Variants in MFHAS1 observed in about 807,000 individuals in gnomAD.
The protein encoded by MFHAS1 is malignant fibrous histiocytoma-amplified sequence 1.
MFHAS1 carries 50 observed loss-of-function variants against 70.4 expected under a neutral mutation model. That is an observed-to-expected ratio of 0.71 (90% CI 0.57 to 0.90). The LOEUF (loss-of-function observed/expected upper bound fraction) is 0.90. Among genes scored for constraint, MFHAS1 ranks in the 40% least tolerant of loss-of-function variants. MFHAS1 has a pLI of 0.00. For synonymous variants in MFHAS1, 952 were observed against 620.0 expected (o/e 1.54, Z -7.96); for missense variants, 1,795 against 1,347.6 (o/e 1.33, Z -5.20).
At chr8:8,847,002 G>A (rs547899729) in intron 1 of MFHAS1, among the ~76,000 whole-genome samples, 50 of 152,032 alleles carry the variant, frequency 3.3e-4, no homozygotes, top group African/African-American at 1.2e-3. Flanking sequence ...TTTGTTGAAT[G>A]GATGAATAAA....
At chr8:8,812,493 G>A (rs1585029058) in intron 1 of MFHAS1, among the ~76,000 whole-genome samples, 1 of 152,236 alleles carries the variant, frequency 6.6e-6, no homozygotes, top group East Asian at 1.9e-4. Flanking sequence ...CAGTAAGCTG[G>A]GGCAATGACA....
At chr8:8,808,899 C>G (rs544019866) in intron 1 of MFHAS1, among the ~76,000 whole-genome samples, 1 of 152,094 alleles carries the variant, frequency 6.6e-6, no homozygotes, top group East Asian at 1.9e-4. Flanking sequence ...TGGACTGGTA[C>G]GCGTCCATGG....
intron 1 of MFHAS1, among the ~76,000 whole-genome samples, chr8:8,797,934 A>G (rs1415147101): frequency 6.6e-6 from 1 of 152,232 alleles, no homozygotes; most frequent in Non-Finnish European, 1.5e-5. Context: ...ACAAAGCCCT[A>G]TATAAATGAT....
chr8:8,873,594 C>T (rs558365406), intron 1 of MFHAS1, among the ~76,000 whole-genome samples: 4 of 151,864 alleles, frequency 2.6e-5, no homozygotes, highest in African/African-American at 7.2e-5. Flanking sequence ...TTTTAAATTC[C>T]CACTTGGTAT....
intron 1 of MFHAS1, among the ~76,000 whole-genome samples, chr8:8,868,801 G>A (rs915898490): frequency 1.3e-5 from 2 of 152,064 alleles, no homozygotes; most frequent in Admixed American, 6.5e-5. Flanking sequence ...CATAGTCATC[G>A]CTACTTCATA....
At chr8:8,848,689 G>A (rs906384500) in intron 1 of MFHAS1, among the ~76,000 whole-genome samples, 1 of 152,142 alleles carries the variant, frequency 6.6e-6, no homozygotes, top group Non-Finnish European at 1.5e-5. Flanking sequence ...ACTCAATAGA[G>A]AATGGACAAA....
At chr8:8,807,751 C>G (rs948834485) in intron 1 of MFHAS1, among the ~76,000 whole-genome samples, 1 of 152,218 alleles carries the variant, frequency 6.6e-6, no homozygotes. Flanking sequence ...GTGGGACACA[C>G]TGTAAGTAGC....
intron 2 of MFHAS1, among the ~76,000 whole-genome samples, chr8:8,794,482 G>T (rs944308106): frequency 6.6e-6 from 1 of 152,192 alleles, no homozygotes; most frequent in Non-Finnish European, 1.5e-5. Flanking sequence ...TGTGTTCATG[G>T]ATGTAAACTG....
At position 8,890,524 on chromosome 8, in the gene MFHAS1, T is replaced by C; in HGVS notation, c.2535A>G (p.Thr845=). ...KPKGKPLNGS[T]AWYKFPCYVQ... ...CATAGCATGGGAACTTGTACCAAGC[T>C]GTGGACCCATTCAAAGGCTTGCCCT... The change falls in exon 1 of 3, where the codon ACA becomes ACG. Residue 845 remains threonine, a synonymous_variant. Coordinates refer to ENST00000276282, the MANE Select transcript of MFHAS1 (RefSeq NM_004225.3). The C allele has an allele frequency of 1.2e-6, 2 of 1,613,546 alleles. No homozygotes were observed. The highest frequency in any genetic ancestry group is 1.7e-6 in the Non-Finnish European group (2 of 1,180,048).
chr8:8,803,219 A>G (rs983673009), intron 1 of MFHAS1, among the ~76,000 whole-genome samples: 3 of 151,880 alleles, frequency 2.0e-5, no homozygotes, highest in Non-Finnish European at 4.4e-5. Context: ...TTGTTTTTAA[A>G]CTGCACCTGG....
chr8:8,829,726 C>T lies in MFHAS1; in HGVS notation c.2999-32235G>A, dbSNP rs944837864. ...GCGAGATCTTTGAGAAAGGAGATTG[C>T]GTGGGGTATCCTCAGTGCCTGACAC... On this transcript the variant is annotated intron_variant, in intron 1 of 2. Coordinates refer to ENST00000276282, the MANE Select transcript of MFHAS1 (RefSeq NM_004225.3). Among the ~76,000 whole-genome samples the T allele has an allele frequency of 1.1e-4, 17 of 152,144 alleles. 1 individual carries two copies. The highest frequency in any genetic ancestry group is 6.5e-4 in the Admixed American group (10 of 15,280).
chr8:8,815,870 C>G (rs773291105), intron 1 of MFHAS1, among the ~76,000 whole-genome samples: 2 of 152,032 alleles, frequency 1.3e-5, no homozygotes, highest in Non-Finnish European at 1.5e-5. Context: ...CTGAAGTAGT[C>G]AAAAAGTAGA....
intron 1 of MFHAS1, among the ~76,000 whole-genome samples, chr8:8,880,615 A>T (rs1809480498): frequency 6.6e-6 from 1 of 151,942 alleles, no homozygotes; most frequent in South Asian, 2.1e-4. Flanking sequence ...GCAAAAGTGA[A>T]AGAAACCATT....
chr8:8,815,566 G>C (rs1310926345), intron 1 of MFHAS1, among the ~76,000 whole-genome samples: 1 of 152,134 alleles, frequency 6.6e-6, no homozygotes, highest in Non-Finnish European at 1.5e-5. Flanking sequence ...ATTCTGACTG[G>C]TGTGAGATGG....
At chr8:8,866,887 T>C (rs12549501) in intron 1 of MFHAS1, among the ~76,000 whole-genome samples, 3,592 of 152,372 alleles carry the variant, frequency 0.024, 85 homozygotes, top group Admixed American at 0.056. Context: ...GAAAGAACCG[T>C]GTACTTGCAT....
intron 1 of MFHAS1, among the ~76,000 whole-genome samples, chr8:8,856,379 C>T (rs901053744): frequency 6.6e-6 from 1 of 152,104 alleles, no homozygotes; most frequent in Non-Finnish European, 1.5e-5. Flanking sequence ...GATACTTCCC[C>T]GTATTTCAAG....
chr8:8,854,362 A>C (rs1002934115), intron 1 of MFHAS1, among the ~76,000 whole-genome samples: 3 of 152,228 alleles, frequency 2.0e-5, no homozygotes, highest in Admixed American at 6.5e-5. Flanking sequence ...TCTACTAAAA[A>C]TACAAAAAAT....
In MFHAS1 at chr8:8,850,807, G is replaced by A. The variant is rs376851798; in HGVS notation, c.2998+39254C>T. Reference sequence around the variant, plus strand: ...GCCTGGGCAACAGGAGTGAAACTCCGTCTCAAAAAAAAAAAAAAAAAAAAA... The same window carrying A: ...GCCTGGGCAACAGGAGTGAAACTCCATCTCAAAAAAAAAAAAAAAAAAAAA... On this transcript the variant is annotated intron_variant, in intron 1 of 2. Transcript: ENST00000276282. Among the ~76,000 whole-genome samples the A allele has an allele frequency of 5.1e-3, 468 of 91,180 alleles. 1 individual carries two copies. The highest frequency in any genetic ancestry group is 0.019 in the African/African-American group (441 of 23,366). 59.8% of individuals were successfully genotyped at this position (91,180 alleles called of 152,430 possible). A position where few individuals can be genotyped will look rare whatever the true frequency, so the allele number is the denominator to read the frequency against.
chr8:8,883,935 C>T (rs1452089847), intron 1 of MFHAS1, among the ~76,000 whole-genome samples: 3 of 151,332 alleles, frequency 2.0e-5, no homozygotes. Context: ...TGGTGGCTCA[C>T]GCCTCTAATC....
Sources: gnomAD v4.1 joint callset for allele counts (sites outside exome capture counted in the v4.1 genomes callset) on GRCh38, gnomAD v4.1.1 for gene constraint, MANE v1.5 for transcripts, NCBI Gene and HGNC (gene_info 2026-07-23, HGNC 2026-07-21) for gene names.